PKD1L3: variants seen among roughly 807,000 people sequenced by gnomAD.
The protein encoded by PKD1L3 is polycystin 1 like 3, transient receptor potential channel interacting.
PKD1L3 carries 239 observed loss-of-function variants against 184.1 expected under a neutral mutation model. The observed-to-expected ratio is 1.30, with a 90% confidence interval of 1.17 to 1.45. PKD1L3 has a LOEUF of 1.45. Ranked by LOEUF, PKD1L3 falls within the 40% of genes most tolerant of loss-of-function variation. The pLI is 0.00. For missense variants in PKD1L3, 2,660 were observed against 2,067.2 expected (o/e 1.29, Z -5.56); for synonymous variants, 996 against 778.8 (o/e 1.28, Z -4.64).
At chr16:71,951,053 T>C (rs1299217127) in intron 19 of PKD1L3, among the ~76,000 whole-genome samples, 3 of 151,848 alleles carry the variant, frequency 2.0e-5, no homozygotes, top group African/African-American at 7.3e-5. Flanking sequence ...TGTGTTTTTT[T>C]CTTTTTTCAA....
At chr16:71,958,929 T>C (rs1473255224) in intron 16 of PKD1L3, among the ~76,000 whole-genome samples, 1 of 141,394 alleles carries the variant, frequency 7.1e-6, no homozygotes, top group Admixed American at 7.1e-5. Flanking sequence ...TCTAATAAAA[T>C]ACAAAAAATT....
At chr16:71,933,645 C>G (rs553296942) in intron 27 of PKD1L3, 124 bp from the exon 28 acceptor site, 9 of 773,098 alleles carry the variant, frequency 1.2e-5, no homozygotes, top group South Asian at 1.1e-4. Flanking sequence ...AAATTATGCC[C>G]AAAGAATACA....
chr16:71,963,780 C>CAA lies in PKD1L3; in HGVS notation c.2466-431_2466-430dup, dbSNP rs140447613. Reference sequence around the variant, plus strand: ...CTTGGGTGACAGAATGAGACTCTGTCAAAAAAAACAAAAAGAAAAGAGAGT... The same window carrying CAA: ...CTTGGGTGACAGAATGAGACTCTGTCAAAAAAAAAACAAAAAGAAAAGAGAGT... On this transcript the variant is annotated intron_variant, in intron 15 of 29. Transcript: ENST00000620267. Among the ~76,000 whole-genome samples, 557 of 151,206 alleles carry CAA rather than the reference C, an allele frequency of 3.7e-3. 3 individuals carry two copies. Among genetic ancestry groups the CAA allele is most frequent in the African/African-American group, 0.012 (487 of 41,238 alleles).
At chr16:71,960,834 G>A (rs954739183) in intron 16 of PKD1L3, among the ~76,000 whole-genome samples, 1 of 152,114 alleles carries the variant, frequency 6.6e-6, no homozygotes, top group Non-Finnish European at 1.5e-5. Flanking sequence ...GAGGTGGGAG[G>A]ACTGCTTGAG....
At chr16:71,964,581 T>C (rs184800954) in intron 15 of PKD1L3, among the ~76,000 whole-genome samples, 127 of 151,980 alleles carry the variant, frequency 8.4e-4, no homozygotes, top group African/African-American at 2.7e-3. Context: ...CCTCGTGATC[T>C]GCCCGCCCTG....
chr16:71,954,600 A>G (rs1410110424), intron 16 of PKD1L3, among the ~76,000 whole-genome samples: 1 of 152,198 alleles, frequency 6.6e-6, no homozygotes, highest in Non-Finnish European at 1.5e-5. Flanking sequence ...AAGAGTTTTG[A>G]TGAATTTTTT....
intron 28 of PKD1L3, among the ~76,000 whole-genome samples, chr16:71,931,668 T>TCA (rs1405727479): frequency 6.6e-6 from 1 of 152,018 alleles, no homozygotes; most frequent in African/African-American, 2.4e-5. Flanking sequence ...TTTACCATGT[T>TCA]GGCCAGGCTG....
chr16:71,932,223 A>C (rs1034904782), intron 28 of PKD1L3, among the ~76,000 whole-genome samples: 1 of 152,204 alleles, frequency 6.6e-6, no homozygotes, highest in Non-Finnish European at 1.5e-5. Context: ...CCATGATCAA[A>C]ATCTTGCCAG....
chr16:71,960,988 C>A (rs1376038570), intron 16 of PKD1L3, among the ~76,000 whole-genome samples: 1 of 152,106 alleles, frequency 6.6e-6, no homozygotes, highest in African/African-American at 2.4e-5. Context: ...GAGAAAATTT[C>A]TACCAGTTTA....
At chr16:71,943,641 G>C (rs2038448479) in intron 23 of PKD1L3, among the ~76,000 whole-genome samples, 1 of 151,238 alleles carries the variant, frequency 6.6e-6, no homozygotes, top group African/African-American at 2.4e-5. Context: ...GTGTTTACAA[G>C]AAGTGAAGTC....
intron 15 of PKD1L3, among the ~76,000 whole-genome samples, chr16:71,964,589 C>T (rs1435264510): frequency 1.3e-5 from 2 of 151,666 alleles, no homozygotes; most frequent in Non-Finnish European, 2.9e-5. Context: ...TCTGCCCGCC[C>T]TGGCCTCCCA....
intron 7 of PKD1L3, among the ~76,000 whole-genome samples, 165 bp downstream of exon 7, chr16:71,981,894 G>T (rs768703265): frequency 6.6e-6 from 1 of 152,068 alleles, no homozygotes; most frequent in Non-Finnish European, 1.5e-5. Flanking sequence ...TCACTGGTGG[G>T]GTGGGGAGGG....
At chr16:71,980,395 TAG>T (rs1186269913) in intron 7 of PKD1L3, among the ~76,000 whole-genome samples, 10 of 152,162 alleles carry the variant, frequency 6.6e-5, no homozygotes, top group Non-Finnish European at 1.0e-4. Context: ...CTGCTCACGA[TAG>T]AGTTTTTAAA....
chr16:71,973,522 G>A lies in PKD1L3; in HGVS notation c.1760-5C>T, dbSNP rs772207678. 6.5e-6 allele frequency: 10 copies of A among 1,549,816 alleles called. No individual in the cohort carries two copies. In the African/African-American group the frequency reaches 9.6e-5, roughly 15 times the overall value. ...GCACCCACGTGTACTCCTCATCTTAGAACAAAGAAGAGTGCTTACTTGTAT... is the reference window on the plus strand; with the variant it reads ...GCACCCACGTGTACTCCTCATCTTAAAACAAAGAAGAGTGCTTACTTGTAT... On this transcript the variant is annotated splice_polypyrimidine_tract_variant and splice_region_variant and intron_variant, in intron 11 of 29. Transcript: ENST00000620267.
intron 4 of PKD1L3, among the ~76,000 whole-genome samples, chr16:71,988,568 G>T (rs2040469077): frequency 6.6e-6 from 1 of 152,122 alleles, no homozygotes; most frequent in African/African-American, 2.4e-5. Context: ...GGTGAGAAGG[G>T]GTTAGATTTG....
At chr16:71,943,677 T>C (rs945226204) in intron 23 of PKD1L3, among the ~76,000 whole-genome samples, 3 of 152,342 alleles carry the variant, frequency 2.0e-5, no homozygotes, top group Non-Finnish European at 2.9e-5. Context: ...TTTGTCTTAT[T>C]TGGACTAGGG....
rs1390251135 is a variant in PKD1L3 at position 71,986,145 on chromosome 16, C to T, written c.834+76G>A. 2.1e-5 allele frequency: 32 copies of T among 1,495,540 alleles called. No homozygotes were observed. The East Asian group carries it at 7.1e-4, about 33-fold the overall frequency. 92.6% of individuals were successfully genotyped at this position (1,495,540 alleles called of 1,614,324 possible). On this transcript the variant is annotated intron_variant, in intron 5 of 29. Transcript: ENST00000620267. ...TCAGGCATTCTTAGGTGTAGTTCTG[C>T]AGGGAGGCAAATGGGTGAACCAAGT... is the stretch of plus-strand genomic sequence containing the variant.
chr16:71,933,992 T>C lies in PKD1L3; in HGVS notation c.4747A>G (p.Thr1583Ala). 1 of 1,551,656 alleles carries C rather than the reference T, an allele frequency of 6.4e-7. No homozygotes were observed. The highest frequency in any genetic ancestry group is 8.7e-7 in the Non-Finnish European group (1 of 1,147,002). The change falls in exon 27 of 30, where the codon ACA (threonine) becomes GCA (alanine). Residue 1583 changes from threonine (T) to alanine (A), a missense_variant. Coordinates refer to ENST00000620267, the MANE Select transcript of PKD1L3 (RefSeq NM_181536.2). ...HSPRLRVISRTLSRAWDEVVG... is the reference protein window; with the variant it reads ...HSPRLRVISRALSRAWDEVVG... ...ACCTCGTCCCAGGCTCGGCTCAGTG[T>C]CCTGCTGATGACCCGCAGCCTGGGG...
At chr16:71,996,410 A>G (rs1171724351) in intron 2 of PKD1L3, among the ~76,000 whole-genome samples, 2 of 151,714 alleles carry the variant, frequency 1.3e-5, no homozygotes, top group African/African-American at 2.4e-5. Flanking sequence ...ACAGGTGCAC[A>G]CCACCACGCC....
Sources: allele counts gnomAD v4.1 joint callset (sites outside exome capture counted in the v4.1 genomes callset), GRCh38; gene constraint gnomAD v4.1.1; transcripts MANE v1.5; gene names NCBI Gene and HGNC (gene_info 2026-07-23, HGNC 2026-07-21).